PRDM6: variants seen among roughly 807,000 people sequenced by gnomAD.
PRDM6 encodes PR/SET domain 6.
In PRDM6, 25 loss-of-function variants were observed where a neutral mutation model predicts 60.8. That is an observed-to-expected ratio of 0.41 (90% confidence interval 0.30 to 0.57). The LOEUF (loss-of-function observed/expected upper bound fraction) is 0.57, where lower values mean the gene tolerates loss of function less well. Among genes scored for constraint, PRDM6 ranks in the 20% least tolerant of loss-of-function variants. The pLI, the probability that PRDM6 is intolerant of heterozygous loss-of-function variation, is 0.27. For synonymous variants in PRDM6, 407 were observed against 357.4 expected, an observed-to-expected ratio of 1.14 and a Z score of -1.57; for missense variants, 839 against 821.3, an observed-to-expected ratio of 1.02 and a Z score of -0.26.
At chr5:123,122,832 T>G (rs1764610278) in intron 3 of PRDM6, among the ~76,000 whole-genome samples, 1 of 152,196 alleles carries the variant, frequency 6.6e-6, no homozygotes, top group Non-Finnish European at 1.5e-5. Flanking sequence ...TTTGGTAATG[T>G]TTAAAACATA....
rs550644617 is a variant in PRDM6 at position 123,168,967 on chromosome 5, C to T, written c.1154-1799C>T. Among the ~76,000 whole-genome samples, 34 of 152,350 alleles carry T rather than the reference C, an allele frequency of 2.2e-4. No individual in the cohort carries two copies. In the South Asian group the frequency reaches 6.8e-3, roughly 31 times the overall value. On this transcript the variant is annotated intron_variant, in intron 5 of 7. Transcript: ENST00000407847. Reference sequence around the variant, plus strand: ...CCACCGTTGAGGATGCCTGCATCTTCGTGCCATGTAGCATTCTCAGAGATG... The same window carrying T: ...CCACCGTTGAGGATGCCTGCATCTTTGTGCCATGTAGCATTCTCAGAGATG...
chr5:123,130,431 A>T (rs1406254693), intron 3 of PRDM6, among the ~76,000 whole-genome samples: 1 of 149,906 alleles, frequency 6.7e-6, no homozygotes, highest in Non-Finnish European at 1.5e-5. Context: ...TATCTTAAAG[A>T]ATTAAGAAAT....
At position 123,090,230 on chromosome 5, in the gene PRDM6, G is replaced by A; in HGVS notation, c.216G>A (p.Arg72=). The change falls in exon 2 of 8, where the codon CGG becomes CGA. Residue 72 remains arginine (R), a synonymous_variant. Coordinates refer to ENST00000407847, the MANE Select transcript of PRDM6 (RefSeq NM_001136239.4). ...CTCCGCCGGACAGCCTGCGCCCGCG[G>A]CCCGCCTCTCTCTCCTCCGCCTCGT... ...AEPPPDSLRP[R]PASLSSASST... The A allele has an allele frequency of 2.7e-6, 4 of 1,473,970 alleles. No individual in the cohort carries two copies. Among genetic ancestry groups the A allele is most frequent in the Non-Finnish European group, 2.7e-6 (3 of 1,113,716 alleles). 91.3% of individuals were successfully genotyped at this position (1,473,970 alleles called of 1,614,324 possible). A position where few individuals can be genotyped will look rare whatever the true frequency, so the allele number is the denominator to read the frequency against.
chr5:123,139,653 G>T (rs11241673), intron 3 of PRDM6, among the ~76,000 whole-genome samples: 27,691 of 152,032 alleles, frequency 0.18, 3,116 homozygotes, highest in East Asian at 0.59. Flanking sequence ...ACTGTGTGTG[G>T]CCTGTGCTGG....
chr5:123,097,002 C>T (rs565284414), intron 2 of PRDM6, among the ~76,000 whole-genome samples: 1 of 152,080 alleles, frequency 6.6e-6, no homozygotes, highest in Non-Finnish European at 1.5e-5. Flanking sequence ...ACTAAACACT[C>T]TTCTGACCAT....
chr5:123,129,144 C>T (rs1372006081), intron 3 of PRDM6, among the ~76,000 whole-genome samples: 2 of 152,146 alleles, frequency 1.3e-5, no homozygotes, highest in African/African-American at 4.8e-5. Flanking sequence ...GGTACCAGTA[C>T]CATGCTGATT....
At chr5:123,128,741 C>A (rs2150221916) in intron 3 of PRDM6, among the ~76,000 whole-genome samples, 1 of 152,220 alleles carries the variant, frequency 6.6e-6, no homozygotes, top group Admixed American at 6.5e-5. Context: ...CTGTTAGTTT[C>A]TTTTGCTGTG....
chr5:123,180,542 G>C (rs1766129210), intron 7 of PRDM6, among the ~76,000 whole-genome samples: 3 of 152,158 alleles, frequency 2.0e-5, no homozygotes, highest in Admixed American at 6.5e-5. Flanking sequence ...TGCCAACCTT[G>C]GTCGTGAGAC....
chr5:123,116,651 T>A lies in PRDM6; in HGVS notation c.900+16690T>A, dbSNP rs140996006. Among the ~76,000 whole-genome samples, 271 of 152,296 alleles carry A rather than the reference T, an allele frequency of 1.8e-3. 1 individual carries two copies. The highest frequency in any genetic ancestry group is 6.3e-3 in the African/African-American group (262 of 41,568). On this transcript the variant is annotated intron_variant, in intron 3 of 7. Coordinates refer to ENST00000407847, the MANE Select transcript of PRDM6 (RefSeq NM_001136239.4). The stretch of plus-strand genomic sequence containing the variant: ...TAAGTGAAAAAAAAAATTATTTTTC[T>A]GTTACAAGACAATTTGCTTTAGGCC...
At chr5:123,186,828 T>G (rs1216949924) in intron 7 of PRDM6, among the ~76,000 whole-genome samples, 2 of 152,234 alleles carry the variant, frequency 1.3e-5, no homozygotes, top group Admixed American at 1.3e-4. Context: ...CTGACAGTGA[T>G]CAGAGCTGCA....
rs759335723 is a variant in PRDM6 at position 123,127,365 on chromosome 5, T to A, written c.900+27404T>A. 5.9e-5 allele frequency among the ~76,000 whole-genome samples: 9 copies of A among 152,174 alleles called. 1 individual carries two copies. The highest frequency in any genetic ancestry group is 1.3e-4 in the Non-Finnish European group (9 of 68,030). On this transcript the variant is annotated intron_variant, in intron 3 of 7. Transcript: ENST00000407847. ...AACACTTACTTTGTTTTACTCCTAT[T>A]TACTGGAAGCATTGGGAAAATATAA...
At chr5:123,154,765 G>T (rs1047716462) in intron 3 of PRDM6, among the ~76,000 whole-genome samples, 15 of 152,298 alleles carry the variant, frequency 9.8e-5, no homozygotes, top group Non-Finnish European at 2.1e-4. Context: ...GACACGATTT[G>T]TCAGGATGCT....
At chr5:123,186,968 G>A (rs932116766) in intron 7 of PRDM6, 119 bp from the exon 8 acceptor site, 4 of 710,340 alleles carry the variant, frequency 5.6e-6, no homozygotes, top group African/African-American at 1.8e-5. Context: ...TAAACCTCTT[G>A]AGCTGGTAAA....
intron 3 of PRDM6, among the ~76,000 whole-genome samples, chr5:123,142,297 T>C (rs1195998213): frequency 1.4e-5 from 1 of 73,274 alleles, no homozygotes; most frequent in Non-Finnish European, 3.3e-5. Context: ...TCATCTTATT[T>C]AAAGCCCATG....
At chr5:123,157,468 G>A (rs1456605443) in intron 4 of PRDM6, among the ~76,000 whole-genome samples, 1 of 152,188 alleles carries the variant, frequency 6.6e-6, no homozygotes, top group Non-Finnish European at 1.5e-5. Context: ...CCCCTAAGAG[G>A]AAGGTGGGCA....
At chr5:123,155,640 G>A (rs758271764) in intron 3 of PRDM6, among the ~76,000 whole-genome samples, 58 of 152,118 alleles carry the variant, frequency 3.8e-4, no homozygotes, top group Non-Finnish European at 6.2e-4. Flanking sequence ...GGTCACATCC[G>A]TGAGATACCA....
intron 4 of PRDM6, 133 bp from the exon 5 acceptor site, chr5:123,159,381 T>A (rs1419480919): frequency 4.2e-6 from 4 of 962,784 alleles, no homozygotes; most frequent in East Asian, 5.4e-5. Flanking sequence ...GACAATCAGT[T>A]GGATGTAAAT....
intron 3 of PRDM6, among the ~76,000 whole-genome samples, chr5:123,142,057 G>A (rs1486440461): frequency 1.3e-5 from 2 of 152,020 alleles, no homozygotes; most frequent in African/African-American, 2.4e-5. Flanking sequence ...TTGACTCAAC[G>A]GCTCGGAAGG....
intron 2 of PRDM6, among the ~76,000 whole-genome samples, chr5:123,092,081 A>G (rs936445880): frequency 3.3e-5 from 5 of 152,236 alleles, no homozygotes; most frequent in African/African-American, 1.2e-4. Flanking sequence ...GTTTGAGAGT[A>G]AAGCACTGGC....
Sources: gnomAD v4.1 joint callset for allele counts (sites outside exome capture counted in the v4.1 genomes callset) on GRCh38, gnomAD v4.1.1 for gene constraint, MANE v1.5 for transcripts, NCBI Gene and HGNC (gene_info 2026-07-23, HGNC 2026-07-21) for gene names.